MAF: variants seen among roughly 807,000 people sequenced by gnomAD.
MAF encodes MAF bZIP transcription factor, also known as transcription factor Maf.
Under a neutral mutation model 22.0 loss-of-function variants are expected in MAF, and 10 were observed. That is an observed-to-expected ratio of 0.45 (90% confidence interval 0.28 to 0.77). The LOEUF (loss-of-function observed/expected upper bound fraction) is 0.77. Ranked by LOEUF, MAF falls within the 30% of genes least tolerant of loss-of-function variation. The probability of loss-of-function intolerance (pLI) is 0.12; values close to 1 mark genes in which losing one functional copy is unlikely to be tolerated. For synonymous variants in MAF, 337 were observed against 255.8 expected (o/e 1.32, Z -3.03); for missense variants, 544 against 548.4 (o/e 0.99, Z 0.08).
the MAF span, among the ~76,000 whole-genome samples, chr16:79,294,140 G>A: frequency 1.3e-5 from 2 of 152,016 alleles, no homozygotes; most frequent in East Asian, 3.9e-4. Flanking sequence ...TTGAATTCAG[G>A]GACAAAGCAA....
At chr16:79,470,013 C>T in the MAF span, among the ~76,000 whole-genome samples, 1 of 152,240 alleles carries the variant, frequency 6.6e-6, no homozygotes, top group African/African-American at 2.4e-5. Flanking sequence ...CATATAATCT[C>T]TACCTCGCTC....
At chr16:79,461,505 C>T in the MAF span, among the ~76,000 whole-genome samples, 3 of 152,140 alleles carry the variant, frequency 2.0e-5, no homozygotes, top group South Asian at 2.1e-4. Context: ...AGGAAGCCCT[C>T]ACGCGCCAGG....
downstream of MAF, among the ~76,000 whole-genome samples, chr16:79,589,321 C>T (rs747458130): frequency 2.0e-4 from 31 of 152,104 alleles, no homozygotes; most frequent in Non-Finnish European, 3.2e-4. Context: ...TGGAGCAATC[C>T]TCATAAAGTT....
chr16:79,482,378 C>A, the MAF span, among the ~76,000 whole-genome samples: 1 of 152,126 alleles, frequency 6.6e-6, no homozygotes, highest in African/African-American at 2.4e-5. Context: ...CGCCTTCTGC[C>A]CCAACCTGAA....
chr16:79,590,744 G>T (rs1178647478), downstream of MAF, among the ~76,000 whole-genome samples: 1 of 152,084 alleles, frequency 6.6e-6, no homozygotes, highest in African/African-American at 2.4e-5. Context: ...GACCCCTGGT[G>T]ACTGGAGGTC....
the MAF span, among the ~76,000 whole-genome samples, chr16:79,270,473 T>C: frequency 1.2e-4 from 19 of 152,114 alleles, no homozygotes; most frequent in African/African-American, 4.6e-4. Context: ...CTTTGAACCA[T>C]AGATTCCCCA....
the MAF span, among the ~76,000 whole-genome samples, chr16:79,438,163 G>A: frequency 1.3e-5 from 2 of 152,176 alleles, no homozygotes; most frequent in Non-Finnish European, 2.9e-5. Context: ...CACATGCCAA[G>A]CTACAAGGCC....
the MAF span, among the ~76,000 whole-genome samples, chr16:79,455,735 AG>A: frequency 6.6e-6 from 1 of 152,252 alleles, no homozygotes; most frequent in Admixed American, 6.5e-5. Flanking sequence ...AAACAAATTA[AG>A]GCTGGGCATG....
chr16:79,368,263 T>A, the MAF span, among the ~76,000 whole-genome samples: 2 of 152,112 alleles, frequency 1.3e-5, no homozygotes, highest in African/African-American at 4.8e-5. Flanking sequence ...ATGAGCCACA[T>A]CCCTGGCTCT....
chr16:79,350,377 T>C, the MAF span, among the ~76,000 whole-genome samples: 1 of 152,284 alleles, frequency 6.6e-6, no homozygotes, highest in South Asian at 2.1e-4. Flanking sequence ...ACCCCAGCAA[T>C]AGGATTTGAG....
chr16:79,458,448 T>C, the MAF span, among the ~76,000 whole-genome samples: 1 of 152,168 alleles, frequency 6.6e-6, no homozygotes. Flanking sequence ...CATTTTTATA[T>C]GTTTGATTAT....
the MAF span, among the ~76,000 whole-genome samples, chr16:79,479,801 T>C: frequency 1.6e-3 from 248 of 152,338 alleles, 3 homozygotes; most frequent in African/African-American, 5.6e-3. Flanking sequence ...CTTGTTGGCA[T>C]TGTTGACCTC....
the MAF span, among the ~76,000 whole-genome samples, chr16:79,517,606 G>T: frequency 6.6e-5 from 8 of 121,260 alleles, no homozygotes; most frequent in East Asian, 1.7e-3. Flanking sequence ...ATGGAGTCTC[G>T]CTCTATTACC....
At chr16:79,587,945 C>G (rs909697815) in intron 1 of MAF, among the ~76,000 whole-genome samples, 4 of 151,568 alleles carry the variant, frequency 2.6e-5, no homozygotes, top group Non-Finnish European at 5.9e-5. Flanking sequence ...TTCATATTAC[C>G]TTCTTTCAGA....
At chr16:79,535,856 C>G in the MAF span, among the ~76,000 whole-genome samples, 1 of 152,132 alleles carries the variant, frequency 6.6e-6, no homozygotes, top group African/African-American at 2.4e-5. Context: ...CAGGCATGAG[C>G]CACCACACCC....
the MAF span, among the ~76,000 whole-genome samples, chr16:79,531,615 C>T: frequency 1.1e-4 from 17 of 152,174 alleles, no homozygotes; most frequent in South Asian, 3.5e-3. Flanking sequence ...GAGGGCACAA[C>T]CTAGATCCCT....
downstream of MAF, among the ~76,000 whole-genome samples, chr16:79,591,356 G>C (rs1913180740): frequency 6.6e-6 from 1 of 152,138 alleles, no homozygotes; most frequent in Admixed American, 6.6e-5. Flanking sequence ...AAGCTCAGCA[G>C]ACACGACTCC....
chr16:79,247,359 C>G, the MAF span, among the ~76,000 whole-genome samples: 1 of 152,148 alleles, frequency 6.6e-6, no homozygotes, highest in African/African-American at 2.4e-5. Context: ...GGAAGCCAGT[C>G]CCATATTATC....
At chr16:79,281,309 C>T in the MAF span, among the ~76,000 whole-genome samples, 6 of 150,102 alleles carry the variant, frequency 4.0e-5, no homozygotes, top group African/African-American at 1.2e-4. Flanking sequence ...GGGGGATGAT[C>T]GTGAAAGATG....
Sources: allele counts gnomAD v4.1 joint callset (sites outside exome capture counted in the v4.1 genomes callset), GRCh38; gene constraint gnomAD v4.1.1; transcripts MANE v1.5; gene names NCBI Gene and HGNC (gene_info 2026-07-23, HGNC 2026-07-21).